Variants in CYP39A1 observed in about 807,000 individuals in gnomAD.
CYP39A1 encodes 24-hydroxycholesterol 7-alpha-hydroxylase.
In CYP39A1, 49 loss-of-function variants were observed where a neutral mutation model predicts 58.1. The observed-to-expected ratio is 0.84, with a 90% CI of 0.67 to 1.07. The LOEUF is 1.07. CYP39A1 is among the 50% of genes least tolerant of loss of function. The pLI is 0.00. For synonymous variants in CYP39A1, 209 were observed against 187.6 expected (o/e 1.11, Z -0.93); for missense variants, 531 against 539.4 (o/e 0.98, Z 0.16).
At chr6:46,627,047 T>TG (rs781353606) in intron 6 of CYP39A1, among the ~76,000 whole-genome samples, 15 of 151,946 alleles carry the variant, frequency 9.9e-5, no homozygotes, top group Middle Eastern at 3.4e-3. Context: ...AGAAGGCAAA[T>TG]GGGAAGCAAG....
rs1770310815 is a variant in CYP39A1 at position 46,550,122 on chromosome 6, T to C, written c.*244A>G. ...CAACTTCTTAAAAAATGTGGAGTTT[T>C]TTTGGATCATTTGATCATTTCCTAT... On this transcript the variant is annotated 3_prime_UTR_variant, in exon 12 of 12. Transcript: ENST00000275016. 5.7e-6 allele frequency: 2 copies of C among 348,050 alleles called. No individual in the cohort carries two copies. Among genetic ancestry groups the C allele is most frequent in the Non-Finnish European group, 1.0e-5 (2 of 194,900 alleles). The allele number at this position is 348,050 out of a possible 1,614,324, so 21.6% of individuals were successfully genotyped here. A position where few individuals can be genotyped will look rare whatever the true frequency, so the allele number is the denominator to read the frequency against.
At chr6:46,609,174 G>A (rs1167321752) in intron 7 of CYP39A1, among the ~76,000 whole-genome samples, 2 of 151,792 alleles carry the variant, frequency 1.3e-5, no homozygotes, top group Admixed American at 1.3e-4. Flanking sequence ...GGCCGAGGTG[G>A]GCGGATTACG....
chr6:46,608,211 T>C (rs1392184728), intron 7 of CYP39A1, among the ~76,000 whole-genome samples: 1 of 152,196 alleles, frequency 6.6e-6, no homozygotes. Context: ...TTGGAAAATA[T>C]ATAGCATTTG....
intron 10 of CYP39A1, among the ~76,000 whole-genome samples, chr6:46,558,197 G>T (rs895074914): frequency 6.6e-6 from 1 of 152,136 alleles, no homozygotes; most frequent in African/African-American, 2.4e-5. Context: ...AGCTAATACT[G>T]TTTGTATTCA....
intron 10 of CYP39A1, among the ~76,000 whole-genome samples, chr6:46,575,120 G>T (rs1234591788): frequency 6.6e-6 from 1 of 152,094 alleles, no homozygotes; most frequent in Admixed American, 6.6e-5. Context: ...TTCACCAGGG[G>T]CTTCTGAGAT....
rs1258880321 is a variant in CYP39A1, at chr6:46,553,752, T to A, written c.1338+15A>T. The A allele has an allele frequency of 6.4e-7, 1 of 1,565,332 alleles. No individual in the cohort carries two copies. The highest frequency in any genetic ancestry group is 8.8e-7 in the Non-Finnish European group (1 of 1,137,942). ...TATAAGTAGTCATGATACTCAAAATTCTGAAAACACTTACCTGTTTGGGTA... is the reference window on the plus strand; with the variant it reads ...TATAAGTAGTCATGATACTCAAAATACTGAAAACACTTACCTGTTTGGGTA... On this transcript the variant is annotated intron_variant, in intron 11 of 11. Transcript: ENST00000275016.
intron 11 of CYP39A1, among the ~76,000 whole-genome samples, chr6:46,552,891 A>G (rs1770479041): frequency 6.6e-6 from 1 of 152,014 alleles, no homozygotes; most frequent in African/African-American, 2.4e-5. Context: ...TACTAAAAAT[A>G]CAAAAAATTA....
At chr6:46,573,895 C>T (rs774222814) in intron 10 of CYP39A1, among the ~76,000 whole-genome samples, 1 of 152,102 alleles carries the variant, frequency 6.6e-6, no homozygotes, top group African/African-American at 2.4e-5. Context: ...AGTGCTAATA[C>T]AAGATTTCAT....
chr6:46,651,308 T>G (rs1196772330), intron 1 of CYP39A1, among the ~76,000 whole-genome samples: 1 of 152,180 alleles, frequency 6.6e-6, no homozygotes, highest in East Asian at 1.9e-4. Flanking sequence ...AACCCAACTA[T>G]TGAGATTTAA....
intron 10 of CYP39A1, among the ~76,000 whole-genome samples, chr6:46,577,036 G>T (rs558230978): frequency 6.6e-6 from 1 of 152,252 alleles, no homozygotes; most frequent in South Asian, 2.1e-4. Context: ...TGGAGAAGGG[G>T]CAGATCATGT....
intron 7 of CYP39A1, among the ~76,000 whole-genome samples, chr6:46,619,381 T>C (rs1025140673): frequency 6.6e-6 from 1 of 152,134 alleles, no homozygotes; most frequent in Non-Finnish European, 1.5e-5. Flanking sequence ...AGACCAACTA[T>C]GTTTAGTTTC....
At chr6:46,606,701 G>T (rs142777362) in intron 7 of CYP39A1, among the ~76,000 whole-genome samples, 227 of 152,226 alleles carry the variant, frequency 1.5e-3, no homozygotes, top group African/African-American at 4.9e-3. Flanking sequence ...AAGAAATGAT[G>T]ATTCTTGCGT....
intron 10 of CYP39A1, among the ~76,000 whole-genome samples, chr6:46,586,728 CA>C (rs1169595205): frequency 6.6e-6 from 1 of 152,046 alleles, no homozygotes; most frequent in African/African-American, 2.4e-5. Context: ...ATGACAATGT[CA>C]TAGTGAAAGA....
intron 7 of CYP39A1, among the ~76,000 whole-genome samples, chr6:46,613,471 T>C (rs1029255589): frequency 3.3e-5 from 5 of 152,256 alleles, no homozygotes; most frequent in African/African-American, 1.2e-4. Context: ...TCATGACTTT[T>C]ATGTAAAATA....
chr6:46,628,348 G>A (rs910853979), intron 6 of CYP39A1, among the ~76,000 whole-genome samples: 3 of 152,172 alleles, frequency 2.0e-5, no homozygotes, highest in African/African-American at 7.2e-5. Context: ...TAAATACTGT[G>A]GGAGTTGAGA....
chr6:46,571,786 T>C (rs1771598214), intron 10 of CYP39A1, among the ~76,000 whole-genome samples: 1 of 152,106 alleles, frequency 6.6e-6, no homozygotes, highest in Non-Finnish European at 1.5e-5. Flanking sequence ...TTTTCTGTTT[T>C]GTAGTTCCTT....
chr6:46,605,623 A>G (rs1293079408), intron 7 of CYP39A1, among the ~76,000 whole-genome samples: 7 of 152,290 alleles, frequency 4.6e-5, no homozygotes, highest in East Asian at 1.9e-4. Flanking sequence ...ACTAGGAATC[A>G]AGAGAAGGCT....
chr6:46,621,582 C>T (rs1054502823), intron 7 of CYP39A1, among the ~76,000 whole-genome samples: 4 of 151,824 alleles, frequency 2.6e-5, no homozygotes, highest in South Asian at 4.2e-4. Flanking sequence ...TGGACATAGT[C>T]CTAAAAAGAC....
At chr6:46,612,734 C>A (rs1398591046) in intron 7 of CYP39A1, among the ~76,000 whole-genome samples, 1 of 152,200 alleles carries the variant, frequency 6.6e-6, no homozygotes. Flanking sequence ...GTTCACAATT[C>A]CACTGGAGCG....
Sources: allele counts gnomAD v4.1 joint callset (sites outside exome capture counted in the v4.1 genomes callset), GRCh38; gene constraint gnomAD v4.1.1; transcripts MANE v1.5; gene names NCBI Gene and HGNC (gene_info 2026-07-23, HGNC 2026-07-21).